The following TMEM132D variants were observed in gnomAD, a reference collection of about 807,000 sequenced individuals.
TMEM132D encodes mature OL transmembrane protein.
Under a neutral mutation model 62.3 loss-of-function variants are expected in TMEM132D, and 21 were observed. The observed-to-expected ratio is 0.34, with a 90% confidence interval of 0.24 to 0.49. The LOEUF (loss-of-function observed/expected upper bound fraction) is 0.49, where lower values mean the gene tolerates loss of function less well. TMEM132D is among the 20% of genes least tolerant of loss of function. The pLI is 0.99. For missense variants in TMEM132D, 1,346 were observed against 1,402.8 expected (o/e 0.96, Z 0.65); for synonymous variants, 621 against 575.6 (o/e 1.08, Z -1.13).
At chr12:129,466,716 AT>A (rs1873919115) in intron 3 of TMEM132D, among the ~76,000 whole-genome samples, 1 of 152,144 alleles carries the variant, frequency 6.6e-6, no homozygotes, top group Admixed American at 6.5e-5. Flanking sequence ...ACTATGATGA[AT>A]GACTTGCAGT....
At chr12:129,738,755 G>T (rs761523226) in intron 1 of TMEM132D, among the ~76,000 whole-genome samples, 4 of 152,180 alleles carry the variant, frequency 2.6e-5, no homozygotes, top group Non-Finnish European at 5.9e-5. Flanking sequence ...TACTCCTTGA[G>T]CACGGTAGCA....
chr12:129,582,612 T>G (rs962007068), intron 2 of TMEM132D, among the ~76,000 whole-genome samples: 3 of 69,376 alleles, frequency 4.3e-5, no homozygotes, highest in East Asian at 7.9e-4. Flanking sequence ...TGAGACTCAT[T>G]TTCTTTCTTT....
At chr12:129,735,760 G>T (rs1253000696) in intron 1 of TMEM132D, among the ~76,000 whole-genome samples, 1 of 152,202 alleles carries the variant, frequency 6.6e-6, no homozygotes, top group African/African-American at 2.4e-5. Flanking sequence ...TTGAAAACAA[G>T]GGGTGGTTAC....
chr12:129,561,799 G>T (rs941088803), intron 2 of TMEM132D, among the ~76,000 whole-genome samples: 1 of 152,134 alleles, frequency 6.6e-6, no homozygotes, highest in Non-Finnish European at 1.5e-5. Context: ...GAGATATTAA[G>T]AATATAAATC....
chr12:129,900,987 A>G (rs1376773084), intron 1 of TMEM132D, among the ~76,000 whole-genome samples: 1 of 152,260 alleles, frequency 6.6e-6, no homozygotes, highest in Non-Finnish European at 1.5e-5. Flanking sequence ...CTTATGAAAT[A>G]TAAACGTGTA....
At chr12:129,264,022 C>T (rs1308211444) in intron 4 of TMEM132D, among the ~76,000 whole-genome samples, 1 of 152,178 alleles carries the variant, frequency 6.6e-6, no homozygotes, top group South Asian at 2.1e-4. Context: ...TACTCTGTCT[C>T]TTGACTGAGT....
chr12:129,680,279 T>A (rs913841454), intron 2 of TMEM132D, among the ~76,000 whole-genome samples: 1 of 152,200 alleles, frequency 6.6e-6, no homozygotes, highest in Non-Finnish European at 1.5e-5. Context: ...GATAGAGAAA[T>A]ACATCCTTGG....
Position 129,631,026 on chromosome 12 carries a change from G to T in TMEM132D, c.968+68784C>A, listed in dbSNP as rs1196152002. On this transcript the variant is annotated intron_variant, in intron 2 of 8. Coordinates refer to ENST00000422113, the MANE Select transcript of TMEM132D (RefSeq NM_133448.3). Reference sequence around the variant, plus strand: ...GCCCATCCATGACAGACTGGATAAAGAATTATTCTCTTAATCCTGATGGTG... The same window carrying T: ...GCCCATCCATGACAGACTGGATAAATAATTATTCTCTTAATCCTGATGGTG... Among the ~76,000 whole-genome samples the T allele has an allele frequency of 2.6e-5, 4 of 152,224 alleles. No individual in the cohort carries two copies. In the East Asian group the frequency reaches 5.8e-4, roughly 22 times the overall value.
intron 2 of TMEM132D, among the ~76,000 whole-genome samples, chr12:129,635,198 C>T (rs1879445127): frequency 1.3e-5 from 2 of 152,224 alleles, no homozygotes; most frequent in South Asian, 4.1e-4. Flanking sequence ...CCTCATTTGC[C>T]TCTGAAAATG....
chr12:129,558,084 A>C (rs1325550436), intron 2 of TMEM132D, among the ~76,000 whole-genome samples: 1 of 152,224 alleles, frequency 6.6e-6, no homozygotes, highest in East Asian at 1.9e-4. Context: ...TAACAACCCC[A>C]ACTCTTGCTG....
At chr12:129,790,093 C>A (rs1224066446) in intron 1 of TMEM132D, among the ~76,000 whole-genome samples, 1 of 152,156 alleles carries the variant, frequency 6.6e-6, no homozygotes, top group East Asian at 1.9e-4. Context: ...TGTGTTCCAC[C>A]CTTTGCAGGA....
chr12:129,289,547 T>TAAAAAAAAAAAA (rs59709658), intron 4 of TMEM132D, among the ~76,000 whole-genome samples: 1 of 92,184 alleles, frequency 1.1e-5, no homozygotes, highest in Non-Finnish European at 2.3e-5. Context: ...TCCATCTCAA[T>TAAAAAAAAAAAA]AAAAAAAAAA....
At chr12:129,305,636 C>G (rs906476433) in intron 4 of TMEM132D, among the ~76,000 whole-genome samples, 5 of 152,266 alleles carry the variant, frequency 3.3e-5, no homozygotes, top group African/African-American at 9.6e-5. Flanking sequence ...TGATGAAAGG[C>G]TACATGCTAT....
chr12:129,794,584 A>C (rs1342196260), intron 1 of TMEM132D, among the ~76,000 whole-genome samples: 1 of 152,182 alleles, frequency 6.6e-6, no homozygotes, highest in Admixed American at 6.5e-5. Flanking sequence ...AATTCCAGAA[A>C]ATGATACTGT....
intron 3 of TMEM132D, among the ~76,000 whole-genome samples, chr12:129,368,759 C>A (rs1192298646): frequency 6.7e-6 from 1 of 149,588 alleles, no homozygotes; most frequent in African/African-American, 2.4e-5. Context: ...AGTTGTCAAC[C>A]TTTCCACCAA....
chr12:129,221,201 C>T (rs12302612), intron 4 of TMEM132D, among the ~76,000 whole-genome samples: 8,859 of 152,250 alleles, frequency 0.058, 584 homozygotes, highest in African/African-American at 0.16. Context: ...TCACCTGACA[C>T]GGCCACCAAG....
intron 3 of TMEM132D, among the ~76,000 whole-genome samples, chr12:129,504,688 T>C (rs762759595): frequency 2.0e-5 from 3 of 152,324 alleles, no homozygotes; most frequent in Non-Finnish European, 4.4e-5. Flanking sequence ...GTTTCATTTA[T>C]CTTTTGTATT....
chr12:129,559,622 C>T (rs371041279), intron 2 of TMEM132D, among the ~76,000 whole-genome samples: 9 of 152,174 alleles, frequency 5.9e-5, no homozygotes, highest in Non-Finnish European at 1.0e-4. Flanking sequence ...TTTCATTCCT[C>T]TTCATCTAAC....
At chr12:129,556,012 C>T (rs1053326909) in intron 2 of TMEM132D, among the ~76,000 whole-genome samples, 5 of 152,092 alleles carry the variant, frequency 3.3e-5, no homozygotes, top group African/African-American at 7.2e-5. Flanking sequence ...TTATGTGTTC[C>T]GACTTATGGT....
Sources: gnomAD v4.1 joint callset for allele counts (sites outside exome capture counted in the v4.1 genomes callset) on GRCh38, gnomAD v4.1.1 for gene constraint, MANE v1.5 for transcripts, NCBI Gene and HGNC (gene_info 2026-07-23, HGNC 2026-07-21) for gene names.